The following USP30 variants were observed in gnomAD, a reference collection of about 807,000 sequenced individuals.
The protein encoded by USP30 is ubiquitin specific peptidase 30, also known as ubiquitin carboxyl-terminal hydrolase 30.
A neutral mutation model predicts 68.2 loss-of-function variants in USP30; 41 were observed. The ratio of observed to expected loss-of-function variants is 0.60; its 90% CI spans 0.47 to 0.78. The LOEUF is 0.78. USP30 is among the 30% of genes least tolerant of loss of function. USP30 has a pLI of 0.00. For synonymous variants in USP30, 229 were observed against 253.7 expected, an observed-to-expected ratio of 0.90 and a Z score of 0.93; for missense variants, 522 against 649.4, an observed-to-expected ratio of 0.80 and a Z score of 2.13.
intron 3 of USP30, among the ~76,000 whole-genome samples, chr12:109,058,427 C>T (rs2135720723): frequency 6.6e-6 from 1 of 152,194 alleles, no homozygotes; most frequent in Middle Eastern, 3.4e-3. Context: ...AAAATATTAT[C>T]TGGGCATGGT....
intron 4 of USP30, among the ~76,000 whole-genome samples, chr12:109,069,300 C>G (rs1482518892): frequency 6.6e-6 from 1 of 152,206 alleles, no homozygotes; most frequent in Non-Finnish European, 1.5e-5. Context: ...GGCCCAGATG[C>G]CTGGTGTGTG....
At chr12:109,050,697 T>G (rs149619535), upstream of USP30, among the ~76,000 whole-genome samples, 47 of 151,858 alleles carry the variant, frequency 3.1e-4, no homozygotes, top group Middle Eastern at 6.8e-3. Flanking sequence ...AACTGAGAGG[T>G]ACTTAGTACC....
At chr12:109,026,102 G>A (rs1240465463) in intron 2 of USP30, among the ~76,000 whole-genome samples, 1 of 151,950 alleles carries the variant, frequency 6.6e-6, no homozygotes, top group Non-Finnish European at 1.5e-5. Flanking sequence ...TTGAAACAGG[G>A]TCTGGCTCTG....
Position 109,082,034 on chromosome 12 carries a change from C to A in USP30, c.867+15C>A. 1 of 1,613,778 alleles carries A rather than the reference C, an allele frequency of 6.2e-7. No individual in the cohort carries two copies. The highest frequency in any genetic ancestry group is 1.1e-5 in the South Asian group (1 of 91,068). ...ACTGTACAAAGGTATGCATTGAACC[C>A]CAAATGTCATCGCCAGCTGGCCTGT... is the stretch of plus-strand genomic sequence containing the variant. On this transcript the variant is annotated intron_variant, in intron 9 of 12. Transcript: ENST00000257548.
At chr12:109,029,374 G>C (rs1243223732) in intron 3 of USP30, among the ~76,000 whole-genome samples, 2 of 152,222 alleles carry the variant, frequency 1.3e-5, no homozygotes, top group Non-Finnish European at 2.9e-5. Context: ...GGGCAGGAGA[G>C]CTTATCACAG....
rs2041787977 is a variant in USP30 at position 109,081,321 on chromosome 12, A to G, written c.721-13A>G. 2.5e-6 allele frequency: 4 copies of G among 1,613,386 alleles called. No individual in the cohort carries two copies. The highest frequency in any genetic ancestry group is 3.4e-6 in the Non-Finnish European group (4 of 1,179,848). ...CTAAATCGTTTCTGGATTTTCTGCA[A>G]TATTTCTTTCAGAGTCCTGTTCGAT... On this transcript the variant is annotated splice_polypyrimidine_tract_variant and intron_variant, in intron 7 of 12. Transcript: ENST00000257548.
At chr12:109,059,030 G>C (rs192494353) in intron 3 of USP30, among the ~76,000 whole-genome samples, 2 of 152,236 alleles carry the variant, frequency 1.3e-5, no homozygotes, top group Non-Finnish European at 2.9e-5. Context: ...CTGGGAGTCC[G>C]CCTTATGAAA....
chr12:109,051,043 T>C (rs2135687347), upstream of USP30, among the ~76,000 whole-genome samples: 1 of 152,056 alleles, frequency 6.6e-6, no homozygotes, highest in South Asian at 2.1e-4. Flanking sequence ...AGAAATGACA[T>C]ATTTTGTTTT....
intron 2 of USP30, chr12:109,025,076 A>G (rs2040434811): frequency 6.6e-6 from 1 of 152,176 alleles, no homozygotes; most frequent in African/African-American, 2.4e-5. Context: ...AGGAAAGGTG[A>G]GTTGATCTCT....
chr12:109,078,080 C>T (rs1566102432), intron 7 of USP30, among the ~76,000 whole-genome samples: 1 of 152,062 alleles, frequency 6.6e-6, no homozygotes, highest in Non-Finnish European at 1.5e-5. Context: ...CTAGTTCATA[C>T]AGTAGTTCTG....
rs1468703458 is a variant in USP30, at chr12:109,081,619, GCGCGCA to G, written c.780+228_780+233del. 1.1e-3 allele frequency: 530 copies of G among 490,630 alleles called. 4 individuals are homozygous for G. The African/African-American group carries it at 0.014, about 13-fold the overall frequency. 30.4% of individuals were successfully genotyped at this position (490,630 alleles called of 1,614,324 possible). ...GCTTTTTGAATACACACGCACGCAT[GCGCGCA>G]CACACACACACACACACACACACAC... On this transcript the variant is annotated intron_variant, in intron 8 of 12. Coordinates refer to ENST00000257548, the MANE Select transcript of USP30 (RefSeq NM_032663.5).
At chr12:109,041,219 G>A (rs2040562223) in intron 3 of USP30, among the ~76,000 whole-genome samples, 1 of 152,218 alleles carries the variant, frequency 6.6e-6, no homozygotes, top group Non-Finnish European at 1.5e-5. Context: ...AGGATGAGGT[G>A]ACTTTCAGGC....
At chr12:109,046,160 G>T (rs1434232358) in intron 3 of USP30, among the ~76,000 whole-genome samples, 1 of 145,040 alleles carries the variant, frequency 6.9e-6, no homozygotes, top group Admixed American at 7.1e-5. Context: ...GAGTGCAGTG[G>T]CGCGATCTTG....
chr12:109,068,164 C>A (rs1024291866), intron 4 of USP30, among the ~76,000 whole-genome samples: 2 of 152,212 alleles, frequency 1.3e-5, no homozygotes, highest in Non-Finnish European at 2.9e-5. Flanking sequence ...CTCCTCCCCG[C>A]CAGACCGCTG....
intron 7 of USP30, among the ~76,000 whole-genome samples, chr12:109,073,879 C>A (rs562271129): frequency 1.3e-5 from 2 of 152,126 alleles, no homozygotes; most frequent in African/African-American, 4.8e-5. Flanking sequence ...TTTCCAACAT[C>A]ATACAAAAAG....
upstream of USP30, among the ~76,000 whole-genome samples, chr12:109,051,866 G>C (rs1463805390): frequency 1.3e-5 from 2 of 152,160 alleles, no homozygotes; most frequent in East Asian, 3.8e-4. Flanking sequence ...CACGGCGTCT[G>C]GCCTACCTCC....
At chr12:109,068,688 T>A (rs189087215) in intron 4 of USP30, among the ~76,000 whole-genome samples, 1 of 152,226 alleles carries the variant, frequency 6.6e-6, no homozygotes, top group Admixed American at 6.5e-5. Context: ...ATAACTTTTT[T>A]AAGGTCCGAC....
Position 109,079,742 on chromosome 12 carries a change from T to C in USP30, c.721-1592T>C, listed in dbSNP as rs1005972106. 2.6e-5 allele frequency among the ~76,000 whole-genome samples: 4 copies of C among 152,200 alleles called. No individual in the cohort carries two copies. In the South Asian group the frequency reaches 8.3e-4, roughly 32 times the overall value. On this transcript the variant is annotated intron_variant, in intron 7 of 12. Coordinates refer to ENST00000257548, the MANE Select transcript of USP30 (RefSeq NM_032663.5). ...TCGTAATCACTGTTGTTTTTAGTTA[T>C]AGAATTTCCATTGCCTTCTTTTTAA...
intron 11 of USP30, 92 bp downstream of exon 11, chr12:109,083,154 A>G (rs2041853073): frequency 1.6e-6 from 2 of 1,287,358 alleles, no homozygotes; most frequent in Admixed American, 2.5e-5. Flanking sequence ...TTATGACAGG[A>G]GCACAAGGCT....
Sources: gnomAD v4.1 joint callset for allele counts (sites outside exome capture counted in the v4.1 genomes callset) on GRCh38, gnomAD v4.1.1 for gene constraint, MANE v1.5 for transcripts, NCBI Gene and HGNC (gene_info 2026-07-23, HGNC 2026-07-21) for gene names.